The following AUTS2 variants were observed in gnomAD, a reference collection of about 807,000 sequenced individuals.
AUTS2 encodes the protein autism susceptibility gene 2 protein.
Under a neutral mutation model 112.4 loss-of-function variants are expected in AUTS2, and 17 were observed. The observed-to-expected ratio is 0.15, with a 90% CI of 0.10 to 0.23. The LOEUF (loss-of-function observed/expected upper bound fraction) is 0.23. AUTS2 is among the 10% of genes least tolerant of loss of function. The pLI, the probability that AUTS2 is intolerant of heterozygous loss-of-function variation, is 1.00. For synonymous variants in AUTS2, 751 were observed against 702.7 expected (o/e 1.07, Z -1.09); for missense variants, 1,510 against 1,701.6 (o/e 0.89, Z 1.98).
intron 6 of AUTS2, among the ~76,000 whole-genome samples, chr7:70,717,341 C>T (rs772861297): frequency 2.0e-5 from 3 of 152,058 alleles, no homozygotes; most frequent in African/African-American, 4.8e-5. Context: ...CCACCATACC[C>T]GGCTAACTTT....
intron 5 of AUTS2, among the ~76,000 whole-genome samples, chr7:70,670,746 C>A (rs956665526): frequency 6.6e-6 from 1 of 152,172 alleles, no homozygotes; most frequent in Non-Finnish European, 1.5e-5. Context: ...GAATAAACAA[C>A]CCTCATCCCC....
At chr7:69,973,741 G>T (rs936081969) in intron 2 of AUTS2, among the ~76,000 whole-genome samples, 1 of 152,030 alleles carries the variant, frequency 6.6e-6, no homozygotes, top group African/African-American at 2.4e-5. Context: ...TACATTGCTT[G>T]ATTTTCAGAT....
Position 70,601,001 on chromosome 7 carries a change from T to C in AUTS2, c.691-97568T>C, listed in dbSNP as rs56119758. ...CTGTGAACATTGGTGTACAAGTTTC[T>C]GTATGGACATATTTCTTCAATTCTC... On this transcript the variant is annotated intron_variant, in intron 5 of 18. Coordinates refer to ENST00000342771, the MANE Select transcript of AUTS2 (RefSeq NM_015570.4). Among the ~76,000 whole-genome samples the C allele has an allele frequency of 8.0e-3, 1,220 of 152,324 alleles. 17 individuals carry two copies. The highest frequency in any genetic ancestry group is 0.028 in the African/African-American group (1,152 of 41,554).
At chr7:70,670,173 T>C (rs908316143) in intron 5 of AUTS2, among the ~76,000 whole-genome samples, 2 of 152,224 alleles carry the variant, frequency 1.3e-5, no homozygotes, top group Non-Finnish European at 2.9e-5. Flanking sequence ...ACTTTGGCTT[T>C]TTAATATTTT....
At chr7:70,685,967 A>G (rs1480842718) in intron 5 of AUTS2, among the ~76,000 whole-genome samples, 1 of 152,078 alleles carries the variant, frequency 6.6e-6, no homozygotes. Context: ...TAATTTATAC[A>G]TGGGTGCAAT....
At chr7:70,422,496 G>A (rs1347565627) in intron 4 of AUTS2, among the ~76,000 whole-genome samples, 1 of 152,202 alleles carries the variant, frequency 6.6e-6, no homozygotes, top group South Asian at 2.1e-4. Context: ...ATCCATGTCA[G>A]CCAGGCATAG....
intron 4 of AUTS2, among the ~76,000 whole-genome samples, chr7:70,197,365 C>G (rs563485355): frequency 6.6e-6 from 1 of 151,818 alleles, no homozygotes; most frequent in Non-Finnish European, 1.5e-5. Context: ...GGAACAGCTC[C>G]GGTCTACAGC....
chr7:70,612,922 C>G (rs1052977653), intron 5 of AUTS2, among the ~76,000 whole-genome samples: 3 of 151,932 alleles, frequency 2.0e-5, no homozygotes, highest in African/African-American at 7.3e-5. Flanking sequence ...GCTGGGCAGG[C>G]AGTCCAGGGT....
intron 4 of AUTS2, among the ~76,000 whole-genome samples, chr7:70,228,118 T>C (rs777940839): frequency 1.1e-4 from 16 of 151,982 alleles, no homozygotes; most frequent in Non-Finnish European, 1.6e-4. Flanking sequence ...TCCATGTATA[T>C]CATTGTATCT....
chr7:70,025,448 T>C lies in AUTS2; in HGVS notation c.523-92684T>C, dbSNP rs10273136. 2.3e-3 allele frequency among the ~76,000 whole-genome samples: 351 copies of C among 151,218 alleles called. 1 individual carries two copies. The highest frequency in any genetic ancestry group is 8.2e-3 in the African/African-American group (339 of 41,234). ...AACATATCTACATACTTTTTTTGTT[T>C]CCTTTTTTTTTTTTTTTTTTAAAGA... On this transcript the variant is annotated intron_variant, in intron 2 of 18. Transcript: ENST00000342771.
intron 1 of AUTS2, among the ~76,000 whole-genome samples, chr7:69,874,769 A>G (rs1416955131): frequency 6.6e-6 from 1 of 151,952 alleles, no homozygotes; most frequent in African/African-American, 2.4e-5. Flanking sequence ...AGAGATTCTC[A>G]TGCCTCAGCC....
intron 1 of AUTS2, among the ~76,000 whole-genome samples, chr7:69,803,770 C>T (rs1161492120): frequency 6.6e-6 from 1 of 152,202 alleles, no homozygotes; most frequent in African/African-American, 2.4e-5. Flanking sequence ...TGGCTTTTGC[C>T]TGTAATCCCA....
At chr7:69,687,399 G>A (rs1452952325) in intron 1 of AUTS2, among the ~76,000 whole-genome samples, 1 of 152,138 alleles carries the variant, frequency 6.6e-6, no homozygotes, top group Non-Finnish European at 1.5e-5. Flanking sequence ...TAATTGTATA[G>A]TAGCTGACAT....
At chr7:69,694,930 A>AT (rs1797491950) in intron 1 of AUTS2, among the ~76,000 whole-genome samples, 1 of 152,218 alleles carries the variant, frequency 6.6e-6, no homozygotes, top group Admixed American at 6.5e-5. Flanking sequence ...ATAAAGCAGG[A>AT]AAACCCCACT....
intron 18 of AUTS2, among the ~76,000 whole-genome samples, chr7:70,788,857 G>A (rs1422262825): frequency 4.6e-5 from 7 of 152,174 alleles, no homozygotes; most frequent in African/African-American, 7.2e-5. Flanking sequence ...GGCACCATCC[G>A]TAAGACCTGC....
At chr7:70,544,523 T>A (rs1286054089) in intron 5 of AUTS2, among the ~76,000 whole-genome samples, 1 of 152,136 alleles carries the variant, frequency 6.6e-6, no homozygotes, top group Non-Finnish European at 1.5e-5. Flanking sequence ...AAATCTCACT[T>A]TGCCCCACCA....
chr7:70,291,497 T>G (rs1554358256), intron 4 of AUTS2: 1 of 152,168 alleles, frequency 6.6e-6, no homozygotes, highest in Non-Finnish European at 1.5e-5. Flanking sequence ...CCTTATTTTG[T>G]TTTGGGTGTA....
chr7:70,262,742 C>G (rs937653783), intron 4 of AUTS2, among the ~76,000 whole-genome samples: 27 of 152,098 alleles, frequency 1.8e-4, no homozygotes, highest in Non-Finnish European at 3.7e-4. Context: ...GAATTAAAAC[C>G]AAATGTTTTT....
intron 13 of AUTS2, 154 bp from the exon 14 acceptor site, chr7:70,776,949 G>A (rs1025182784): frequency 8.5e-6 from 6 of 705,436 alleles, no homozygotes; most frequent in African/African-American, 7.2e-5. Flanking sequence ...GGGCGCTGGA[G>A]AGCTACTGAT....
Sources: allele counts gnomAD v4.1 joint callset (sites outside exome capture counted in the v4.1 genomes callset), GRCh38; gene constraint gnomAD v4.1.1; transcripts MANE v1.5; gene names NCBI Gene and HGNC (gene_info 2026-07-23, HGNC 2026-07-21).